The following NBEA variants were observed in gnomAD, a reference collection of about 807,000 sequenced individuals.
The protein encoded by NBEA is lysosomal-trafficking regulator 2.
Under a neutral mutation model 343.4 loss-of-function variants are expected in NBEA, and 44 were observed. That is an observed-to-expected ratio of 0.13 (90% confidence interval 0.10 to 0.16). The LOEUF (loss-of-function observed/expected upper bound fraction) is 0.16. NBEA is among the 10% of genes least tolerant of loss of function. The pLI, the probability that NBEA is intolerant of heterozygous loss-of-function variation, is 1.00. For missense variants in NBEA, 2,555 were observed against 3,631.3 expected, an observed-to-expected ratio of 0.70 and a Z score of 7.62; for synonymous variants, 1,175 against 1,238.7, an observed-to-expected ratio of 0.95 and a Z score of 1.08.
intron 53 of NBEA, among the ~76,000 whole-genome samples, chr13:35,652,950 TC>T (rs1156698630): frequency 6.6e-6 from 1 of 151,816 alleles, no homozygotes; most frequent in Non-Finnish European, 1.5e-5. Context: ...CATCTCTGCC[TC>T]CCAAAGTGCT....
chr13:35,210,965 T>C, intron 32 of NBEA, 88 bp from the exon 33 acceptor site: 1 of 1,368,428 alleles, frequency 7.3e-7, no homozygotes, highest in Non-Finnish European at 9.9e-7. Context: ...TGATGAGTAA[T>C]TCTTTCAAAA....
intron 6 of NBEA, 32 bp from the exon 7 acceptor site, chr13:35,055,978 A>T (rs1309226443): frequency 6.6e-7 from 1 of 1,522,850 alleles, no homozygotes; most frequent in African/African-American, 1.4e-5. Context: ...ACCAAACATT[A>T]CATATTGATA....
In NBEA at chr13:35,309,608, AT is replaced by A; in HGVS notation, c.5903+20del. 6.7e-7 allele frequency: 1 copy of A among 1,495,672 alleles called. No homozygotes were observed. Among genetic ancestry groups the A allele is most frequent in the Non-Finnish European group, 9.1e-7 (1 of 1,095,556 alleles). The allele number at this position is 1,495,672 out of a possible 1,614,324, so 92.7% of individuals were successfully genotyped here. ...ATGAAGGAAGGTAATTAATTTTACA[AT>A]TTTAGACAACTAGTCAGTGTACATT... is the stretch of plus-strand genomic sequence containing the variant. On this transcript the variant is annotated intron_variant, in intron 36 of 58. Coordinates refer to ENST00000379939, the MANE Select transcript of NBEA (RefSeq NM_001385012.1).
At chr13:35,489,537 CT>C (rs1471813558) in intron 41 of NBEA, among the ~76,000 whole-genome samples, 1 of 151,894 alleles carries the variant, frequency 6.6e-6, no homozygotes, top group Non-Finnish European at 1.5e-5. Flanking sequence ...ATCTATGCCA[CT>C]TATTTTTTCC....
rs1460895033 is a variant in NBEA, at chr13:35,671,168, G to A, written c.*177G>A. 9.0e-6 allele frequency: 5 copies of A among 554,700 alleles called. No homozygotes were observed. The highest frequency in any genetic ancestry group is 3.7e-5 in the African/African-American group (2 of 53,432). The allele number at this position is 554,700 out of a possible 1,614,324, so 34.4% of individuals were successfully genotyped here. ...CATTTTACTTTGTGTGTTTTTTCACGACTGAACACCAGCTGCTATCAAGCA... is the reference window on the plus strand; with the variant it reads ...CATTTTACTTTGTGTGTTTTTTCACAACTGAACACCAGCTGCTATCAAGCA... On this transcript the variant is annotated 3_prime_UTR_variant, in exon 59 of 59. Transcript: ENST00000379939.
intron 39 of NBEA, among the ~76,000 whole-genome samples, chr13:35,451,192 C>G (rs1371810984): frequency 6.6e-6 from 1 of 152,138 alleles, no homozygotes; most frequent in Admixed American, 6.5e-5. Flanking sequence ...GGCGCGATCT[C>G]GGCTCACTGC....
intron 10 of NBEA, among the ~76,000 whole-genome samples, chr13:35,088,491 G>T (rs1010222871): frequency 6.6e-6 from 1 of 151,818 alleles, no homozygotes. Context: ...ATCCCAGATA[G>T]CTTCTATTTA....
intron 1 of NBEA, among the ~76,000 whole-genome samples, chr13:35,035,607 G>C (rs2062410373): frequency 6.6e-6 from 1 of 151,898 alleles, no homozygotes. Flanking sequence ...TGAAAGTGAG[G>C]TTTTGAAGTC....
At chr13:35,028,903 G>A (rs945527811) in intron 1 of NBEA, among the ~76,000 whole-genome samples, 3 of 151,460 alleles carry the variant, frequency 2.0e-5, no homozygotes, top group African/African-American at 7.3e-5. Flanking sequence ...ATTTCACTTA[G>A]CATAATGTTT....
At chr13:35,549,742 T>C (rs1275982483) in intron 41 of NBEA, among the ~76,000 whole-genome samples, 1 of 152,210 alleles carries the variant, frequency 6.6e-6, no homozygotes, top group African/African-American at 2.4e-5. Flanking sequence ...TTGGTTTTGA[T>C]CTCATTAACC....
At chr13:35,655,845 A>G (rs557239503) in intron 55 of NBEA, 96 bp downstream of exon 55, 1 of 1,219,098 alleles carries the variant, frequency 8.2e-7, no homozygotes, top group South Asian at 1.6e-5. Flanking sequence ...CTGAGGTGTA[A>G]GGATTTTAAA....
intron 14 of NBEA, among the ~76,000 whole-genome samples, 167 bp downstream of exon 14, chr13:35,117,660 T>A (rs2066567987): frequency 6.6e-6 from 1 of 151,998 alleles, no homozygotes; most frequent in Non-Finnish European, 1.5e-5. Context: ...TAACTTCTGA[T>A]TAAATGCTCT....
intron 41 of NBEA, among the ~76,000 whole-genome samples, chr13:35,504,633 CT>C (rs1357818673): frequency 3.3e-5 from 5 of 151,484 alleles, no homozygotes; most frequent in East Asian, 1.9e-4. Context: ...TAGGAGGGAA[CT>C]TTTTTTTTCC....
At chr13:35,117,160 A>C (rs2066536994) in intron 13 of NBEA, among the ~76,000 whole-genome samples, 2 of 151,936 alleles carry the variant, frequency 1.3e-5, no homozygotes, top group Admixed American at 1.3e-4. Context: ...AATGGATATT[A>C]ATATATAACA....
At chr13:35,346,455 T>C (rs1161633038) in intron 36 of NBEA, among the ~76,000 whole-genome samples, 5 of 152,122 alleles carry the variant, frequency 3.3e-5, no homozygotes, top group African/African-American at 1.2e-4. Flanking sequence ...TTCTTTTAAT[T>C]TTCCATTTCC....
At chr13:35,655,971 C>T (rs1228223610) in intron 55 of NBEA, among the ~76,000 whole-genome samples, 1 of 152,048 alleles carries the variant, frequency 6.6e-6, no homozygotes, top group Non-Finnish European at 1.5e-5. Flanking sequence ...CTCACCAGTC[C>T]CCTACCCAGA....
At chr13:35,417,822 G>A (rs940067638) in intron 38 of NBEA, among the ~76,000 whole-genome samples, 2 of 152,076 alleles carry the variant, frequency 1.3e-5, no homozygotes, top group South Asian at 4.1e-4. Flanking sequence ...TCTGTCTAAT[G>A]TTGACAGTGG....
At chr13:35,045,528 C>T (rs1335465578) in intron 4 of NBEA, 127 bp downstream of exon 4, 17 of 685,850 alleles carry the variant, frequency 2.5e-5, no homozygotes, top group Non-Finnish European at 3.8e-5. Context: ...GGAAGTCATA[C>T]AACCACTACT....
At chr13:35,660,518 T>A (rs2085040811) in intron 55 of NBEA, among the ~76,000 whole-genome samples, 1 of 152,178 alleles carries the variant, frequency 6.6e-6, no homozygotes, top group Non-Finnish European at 1.5e-5. Flanking sequence ...ATGCAGACTG[T>A]CAAAGGAGAA....
Sources: gnomAD v4.1 joint callset for allele counts (sites outside exome capture counted in the v4.1 genomes callset) on GRCh38, gnomAD v4.1.1 for gene constraint, MANE v1.5 for transcripts, NCBI Gene and HGNC (gene_info 2026-07-23, HGNC 2026-07-21) for gene names.